Variants in CRTC1 observed in about 807,000 individuals in gnomAD.
CRTC1 encodes CREB-regulated transcription coactivator 1.
In CRTC1, 18 loss-of-function variants were observed where a neutral mutation model predicts 66.1. The observed-to-expected ratio is 0.27, with a 90% CI of 0.19 to 0.40. The LOEUF (loss-of-function observed/expected upper bound fraction) is 0.40. Among genes scored for constraint, CRTC1 ranks in the 10% least tolerant of loss-of-function variants. CRTC1 has a pLI of 1.00. For synonymous variants in CRTC1, 416 were observed against 398.8 expected (o/e 1.04, Z -0.51); for missense variants, 669 against 887.9 (o/e 0.75, Z 3.13).
intron 5 of CRTC1, among the ~76,000 whole-genome samples, chr19:18,752,790 C>T (rs1026456691): frequency 2.0e-5 from 3 of 151,844 alleles, no homozygotes; most frequent in African/African-American, 7.3e-5. Context: ...AGTCCTGACC[C>T]CTATGCCCGG....
At chr19:18,739,068 G>A (rs1224710202) in intron 1 of CRTC1, among the ~76,000 whole-genome samples, 3 of 152,364 alleles carry the variant, frequency 2.0e-5, no homozygotes, top group African/African-American at 7.2e-5. Flanking sequence ...CAGCCAGGCA[G>A]CCAGGACCAG....
intron 5 of CRTC1, among the ~76,000 whole-genome samples, chr19:18,751,201 A>G (rs1192589929): frequency 6.6e-6 from 1 of 152,216 alleles, no homozygotes; most frequent in African/African-American, 2.4e-5. Context: ...ACAAGTAAAA[A>G]AAATGAAATG....
At chr19:18,719,494 A>T (rs1405662014) in intron 1 of CRTC1, among the ~76,000 whole-genome samples, 1 of 152,236 alleles carries the variant, frequency 6.6e-6, no homozygotes, top group African/African-American at 2.4e-5. Context: ...TTTTGGTGTT[A>T]TGTAACTCCA....
intron 1 of CRTC1, among the ~76,000 whole-genome samples, chr19:18,716,126 C>T (rs1352048953): frequency 6.6e-6 from 1 of 152,140 alleles, no homozygotes; most frequent in African/African-American, 2.4e-5. Context: ...GCCCAGTGCC[C>T]CGCCCTGGGG....
intron 1 of CRTC1, among the ~76,000 whole-genome samples, chr19:18,736,706 GGA>G (rs2054003978): frequency 6.6e-6 from 1 of 152,096 alleles, no homozygotes; most frequent in Non-Finnish European, 1.5e-5. Context: ...GCCTAGAGGT[GGA>G]GAGGGGGGGA....
rs920319318 is a variant in CRTC1, at chr19:18,781,201, CAT to C, written c.*3820_*3821del. The C allele has an allele frequency of 8.8e-6, 2 of 227,144 alleles. No homozygotes were observed. Among genetic ancestry groups the C allele is most frequent in the African/African-American group, 4.5e-5 (2 of 44,900 alleles). 14.1% of individuals were successfully genotyped at this position (227,144 alleles called of 1,614,324 possible). On this transcript the variant is annotated 3_prime_UTR_variant, in exon 14 of 14. Transcript: ENST00000321949. ...GCCCCTGGGCCTGGCCCGTCACCCA[CAT>C]GTGGTGCCCTGGGCCAGGGCGTGCG...
chr19:18,767,489 G>C (rs916624918), intron 9 of CRTC1, among the ~76,000 whole-genome samples: 1 of 152,108 alleles, frequency 6.6e-6, no homozygotes, highest in Non-Finnish European at 1.5e-5. Flanking sequence ...GTGAGCCACC[G>C]CGCCCGTCAC....
At chr19:18,711,524 C>G (rs1414189129) in intron 1 of CRTC1, among the ~76,000 whole-genome samples, 2 of 152,148 alleles carry the variant, frequency 1.3e-5, no homozygotes, top group Non-Finnish European at 2.9e-5. Context: ...AGTTGGCCAC[C>G]AGTTTGCATT....
chr19:18,763,865 G>A (rs562340994), intron 8 of CRTC1, among the ~76,000 whole-genome samples: 164 of 152,336 alleles, frequency 1.1e-3, no homozygotes, highest in South Asian at 3.3e-3. Context: ...CTGGACGCAC[G>A]AAGTGGCGGA....
At chr19:18,699,992 T>C (rs1282976685) in intron 1 of CRTC1, among the ~76,000 whole-genome samples, 1 of 152,056 alleles carries the variant, frequency 6.6e-6, no homozygotes, top group Non-Finnish European at 1.5e-5. Flanking sequence ...CTGAGCCTCA[T>C]CTCGGCAGCT....
In CRTC1 at chr19:18,765,499, A is replaced by G. The variant is rs3746266; in HGVS notation, c.982A>G (p.Thr328Ala). The change falls in exon 9 of 14, where the codon ACC becomes GCC. Residue 328 changes from threonine to alanine, a missense_variant. Thr to Ala is a moderately conservative substitution (Grantham distance 58). This residue lies in a region of CRTC1 where 241 missense variants were observed against 242.2 expected (regional missense o/e 0.99). Coordinates refer to ENST00000321949, the MANE Select transcript of CRTC1 (RefSeq NM_015321.3). ...GGCAAGGCGTCAGCAGGCATCGCCCACCCTGTCCCCGCTGTCACCCATCAC... is the reference window on the plus strand; with the variant it reads ...GGCAAGGCGTCAGCAGGCATCGCCCGCCCTGTCCCCGCTGTCACCCATCAC... ...TEARRQQASP[T>A]LSPLSPITQA... The G allele has an allele frequency of 0.15, 241,901 of 1,608,280 alleles. 18,840 individuals carry two copies. Among genetic ancestry groups the G allele is most frequent in the East Asian group, 0.17 (7,677 of 44,816 alleles).
chr19:18,692,195 G>A (rs976587187), intron 1 of CRTC1, among the ~76,000 whole-genome samples: 1 of 152,154 alleles, frequency 6.6e-6, no homozygotes, highest in Non-Finnish European at 1.5e-5. Context: ...TCCACTCCGG[G>A]CCTCGGTGGT....
intron 1 of CRTC1, among the ~76,000 whole-genome samples, chr19:18,731,634 G>C (rs1386831449): frequency 6.6e-6 from 1 of 152,086 alleles, no homozygotes; most frequent in Non-Finnish European, 1.5e-5. Flanking sequence ...TTGAACTCTG[G>C]GCTGCTCCTG....
chr19:18,708,547 G>A (rs1320114554), intron 1 of CRTC1, among the ~76,000 whole-genome samples: 2 of 152,226 alleles, frequency 1.3e-5, no homozygotes, highest in Non-Finnish European at 2.9e-5. Flanking sequence ...CCTGGTGAGG[G>A]GCTGCTGGGC....
intron 8 of CRTC1, among the ~76,000 whole-genome samples, chr19:18,761,903 A>AGCTGGGC (rs1555787047): frequency 6.6e-6 from 1 of 152,044 alleles, no homozygotes; most frequent in African/African-American, 2.4e-5. Flanking sequence ...TGACTCCCAC[A>AGCTGGGC]CCTGGGCCCT....
chr19:18,772,003 C>G (rs2054880684), intron 11 of CRTC1, among the ~76,000 whole-genome samples: 2 of 152,338 alleles, frequency 1.3e-5, no homozygotes, highest in Non-Finnish European at 2.9e-5. Context: ...CCATAGGCAG[C>G]TGTGTTTCTC....
At chr19:18,733,475 CTGGTGTTTGTATATG>C (rs907029805) in intron 1 of CRTC1, among the ~76,000 whole-genome samples, 2 of 152,234 alleles carry the variant, frequency 1.3e-5, no homozygotes, top group Non-Finnish European at 2.9e-5. Flanking sequence ...CGAGGCAGGC[CTGGTGTTTGTATATG>C]TGGTTCTGTA....
At chr19:18,708,713 G>T (rs1244959025) in intron 1 of CRTC1, among the ~76,000 whole-genome samples, 2 of 152,224 alleles carry the variant, frequency 1.3e-5, no homozygotes, top group African/African-American at 2.4e-5. Flanking sequence ...GGGGACCGAG[G>T]TCAGGGCTCC....
intron 6 of CRTC1, 124 bp downstream of exon 6, chr19:18,753,709 C>A: frequency 1.5e-6 from 1 of 654,520 alleles, no homozygotes; most frequent in Non-Finnish European, 2.7e-6. Flanking sequence ...AACCTCACTC[C>A]GATTTTTCCA....
Sources: gnomAD v4.1 joint callset for allele counts (sites outside exome capture counted in the v4.1 genomes callset) on GRCh38, gnomAD v4.1.1 for gene constraint, gnomAD v4.1.1 regional missense constraint, MANE v1.5 for transcripts, NCBI Gene and HGNC (gene_info 2026-07-23, HGNC 2026-07-21) for gene names.